The following ZMIZ1 variants were observed in gnomAD, a reference collection of about 807,000 sequenced individuals.
ZMIZ1 encodes the protein zinc finger MIZ-type containing 1, also known as zinc finger MIZ domain-containing protein 1.
A neutral mutation model predicts 113.9 loss-of-function variants in ZMIZ1; 17 were observed. The observed-to-expected ratio is 0.15, with a 90% CI of 0.10 to 0.22. ZMIZ1 has a LOEUF of 0.22. Ranked by LOEUF, ZMIZ1 falls within the 10% of genes least tolerant of loss-of-function variation. The pLI is 1.00. For synonymous variants in ZMIZ1, 607 were observed against 603.1 expected (o/e 1.01, Z -0.09); for missense variants, 1,059 against 1,477.8 (o/e 0.72, Z 4.65).
intron 2 of ZMIZ1, among the ~76,000 whole-genome samples, chr10:79,123,159 C>A (rs190228377): frequency 6.6e-6 from 1 of 152,198 alleles, no homozygotes; most frequent in Non-Finnish European, 1.5e-5. Context: ...AGAGGGGTAT[C>A]GTGTCAGGGG....
intron 2 of ZMIZ1, 93 bp from the exon 3 acceptor site, chr10:79,139,589 G>A: frequency 5.0e-6 from 2 of 397,704 alleles, no homozygotes; most frequent in Non-Finnish European, 4.4e-6. Context: ...AGGCCGCTGA[G>A]ATTAGCTTGG....
intron 7 of ZMIZ1, among the ~76,000 whole-genome samples, chr10:79,237,159 C>T (rs1011164103): frequency 5.3e-5 from 8 of 152,178 alleles, no homozygotes; most frequent in Non-Finnish European, 1.2e-4. Context: ...GCATCGGGTG[C>T]ATTCACAGCT....
chr10:79,110,295 TC>T (rs1271464801), intron 1 of ZMIZ1, among the ~76,000 whole-genome samples: 1 of 152,204 alleles, frequency 6.6e-6, no homozygotes, highest in African/African-American at 2.4e-5. Context: ...GCTGCTCAAA[TC>T]AGCGGTATTT....
Position 79,302,748 on chromosome 10 carries a change from C to T in ZMIZ1, c.2125+536C>T, listed in dbSNP as rs549787295. Among the ~76,000 whole-genome samples the T allele has an allele frequency of 9.7e-4, 128 of 132,486 alleles. 1 individual carries two copies. The highest frequency in any genetic ancestry group is 1.8e-3 in the Non-Finnish European group (115 of 65,016). The allele number at this position is 132,486 out of a possible 152,430, so 86.9% of individuals were successfully genotyped here. On this transcript the variant is annotated intron_variant, in intron 18 of 24. Coordinates refer to ENST00000334512, the MANE Select transcript of ZMIZ1 (RefSeq NM_020338.4). ...TCGCTCTGTTACCCAGGCTGGAGTGCAGTGGCATGATCTCGGCTCACTGCA... is the reference window on the plus strand; with the variant it reads ...TCGCTCTGTTACCCAGGCTGGAGTGTAGTGGCATGATCTCGGCTCACTGCA...
chr10:79,308,984 C>A (rs1278033146), intron 23 of ZMIZ1, among the ~76,000 whole-genome samples: 1 of 152,196 alleles, frequency 6.6e-6, no homozygotes, highest in Admixed American at 6.5e-5. Flanking sequence ...CTAGATGGTC[C>A]TGTCCTCCAT....
At chr10:79,163,649 G>A (rs2132501071) in intron 4 of ZMIZ1, among the ~76,000 whole-genome samples, 1 of 152,340 alleles carries the variant, frequency 6.6e-6, no homozygotes, top group African/African-American at 2.4e-5. Context: ...TTGAACCGAG[G>A]TCCATCAGGA....
At chr10:79,293,307 C>T in intron 11 of ZMIZ1, 74 bp from the exon 12 acceptor site, 1 of 1,499,564 alleles carries the variant, frequency 6.7e-7, no homozygotes, top group South Asian at 1.4e-5. Context: ...CCTTCCCTCC[C>T]TGCACTTTCA....
chr10:79,204,268 C>A (rs1848220948), intron 5 of ZMIZ1, among the ~76,000 whole-genome samples: 1 of 152,218 alleles, frequency 6.6e-6, no homozygotes, highest in African/African-American at 2.4e-5. Flanking sequence ...CCAACCCCCA[C>A]CCTCTGCACC....
At chr10:79,143,304 A>G (rs1845350071) in intron 3 of ZMIZ1, among the ~76,000 whole-genome samples, 2 of 151,628 alleles carry the variant, frequency 1.3e-5, no homozygotes, top group African/African-American at 4.9e-5. Flanking sequence ...GCTGCCCTGT[A>G]CTGCAGTTCA....
At chr10:79,299,980 G>A (rs558457019) in intron 16 of ZMIZ1, among the ~76,000 whole-genome samples, 20 of 150,588 alleles carry the variant, frequency 1.3e-4, no homozygotes, top group African/African-American at 3.5e-4. Flanking sequence ...CATCTCCAGC[G>A]CAAGAGCTGG....
rs1842619474 is a variant in ZMIZ1, at chr10:79,080,416, C to T, written c.-337+11146C>T. On this transcript the variant is annotated intron_variant, in intron 1 of 24. Transcript: ENST00000334512. Reference sequence around the variant, plus strand: ...CTGCCTCCCGGGTTCAAGAGATTCTCTTGCCTCAGCCTCCTGAGTAGCTGG... The same window carrying T: ...CTGCCTCCCGGGTTCAAGAGATTCTTTTGCCTCAGCCTCCTGAGTAGCTGG... 2.0e-5 allele frequency among the ~76,000 whole-genome samples: 3 copies of T among 147,864 alleles called. No homozygotes were observed. In the South Asian group the frequency reaches 6.4e-4, roughly 32 times the overall value.
chr10:79,258,109 C>A (rs1224195735), intron 7 of ZMIZ1, among the ~76,000 whole-genome samples: 1 of 152,100 alleles, frequency 6.6e-6, no homozygotes, highest in Non-Finnish European at 1.5e-5. Context: ...GGGCCGGGCA[C>A]GGTGGCTCAT....
At chr10:79,306,737 C>T (rs535976411) in intron 22 of ZMIZ1, among the ~76,000 whole-genome samples, 7 of 152,338 alleles carry the variant, frequency 4.6e-5, no homozygotes, top group African/African-American at 1.7e-4. Context: ...CTTACGCTCC[C>T]GGCTGCCCAG....
intron 4 of ZMIZ1, among the ~76,000 whole-genome samples, chr10:79,178,903 C>G (rs1052043204): frequency 6.6e-6 from 1 of 152,200 alleles, no homozygotes; most frequent in Non-Finnish European, 1.5e-5. Flanking sequence ...CCCTGCTCTC[C>G]CAAGCCAGGG....
At chr10:79,275,846 A>C (rs1327492622) in intron 7 of ZMIZ1, among the ~76,000 whole-genome samples, 1 of 152,210 alleles carries the variant, frequency 6.6e-6, no homozygotes, top group African/African-American at 2.4e-5. Context: ...ACTCATCTGT[A>C]GAATGAGGAT....
At chr10:79,241,309 G>A (rs756346902) in intron 7 of ZMIZ1, among the ~76,000 whole-genome samples, 13 of 152,180 alleles carry the variant, frequency 8.5e-5, no homozygotes, top group Non-Finnish European at 1.9e-4. Flanking sequence ...GTGGGGAGAT[G>A]GGCGAGTCTT....
In ZMIZ1 at chr10:79,069,412, G is replaced by A. The variant is rs1411787624; in HGVS notation, c.-337+142G>A. 1 of 150,962 alleles carries A rather than the reference G, an allele frequency of 6.6e-6. No homozygotes were observed. Among genetic ancestry groups the A allele is most frequent in the Non-Finnish European group, 1.5e-5 (1 of 67,670 alleles). 9.4% of individuals were successfully genotyped at this position (150,962 alleles called of 1,614,324 possible). A position where few individuals can be genotyped will look rare whatever the true frequency, so the allele number is the denominator to read the frequency against. ...CCCCGGAGCGGGGCGACCGGCCGGCGGCGCGGGCTCCGCTCCGCTCTCCTT... is the reference window on the plus strand; with the variant it reads ...CCCCGGAGCGGGGCGACCGGCCGGCAGCGCGGGCTCCGCTCCGCTCTCCTT... On this transcript the variant is annotated intron_variant, in intron 1 of 24. Coordinates refer to ENST00000334512, the MANE Select transcript of ZMIZ1 (RefSeq NM_020338.4). This position sits in a 1 kb window ranked among gnomAD's most constrained non-coding sequence, Gnocchi z 4.6.
chr10:79,120,944 T>C (rs1369073127), intron 2 of ZMIZ1, among the ~76,000 whole-genome samples: 2 of 152,140 alleles, frequency 1.3e-5, no homozygotes, highest in Non-Finnish European at 2.9e-5. Flanking sequence ...GGGCCTGCAG[T>C]GCCCAGCTTT....
At chr10:79,205,845 C>T (rs1228840865) in intron 5 of ZMIZ1, among the ~76,000 whole-genome samples, 1 of 152,164 alleles carries the variant, frequency 6.6e-6, no homozygotes, top group Admixed American at 6.5e-5. Context: ...CATTGTATTC[C>T]CAGCACTTTG....
Sources: gnomAD v4.1 joint callset for allele counts (sites outside exome capture counted in the v4.1 genomes callset) on GRCh38, gnomAD v4.1.1 for gene constraint, Gnocchi (gnomAD v3.1) non-coding constraint, MANE v1.5 for transcripts, NCBI Gene and HGNC (gene_info 2026-07-23, HGNC 2026-07-21) for gene names.